SCN3A: variants seen among roughly 807,000 people sequenced by gnomAD.
SCN3A encodes sodium channel protein type 3 subunit alpha.
In SCN3A, 60 loss-of-function variants were observed where a neutral mutation model predicts 187.6. That is an observed-to-expected ratio of 0.32 (90% CI 0.26 to 0.40). SCN3A has a LOEUF of 0.40. Among genes scored for constraint, SCN3A ranks in the 10% least tolerant of loss-of-function variants. SCN3A has a pLI of 1.00. For missense variants in SCN3A, 1,601 were observed against 2,428.2 expected (o/e 0.66, Z 7.16); for synonymous variants, 788 against 829.2 (o/e 0.95, Z 0.85).
At chr2:165,154,725 CCA>C (rs1441299177) in intron 10 of SCN3A, 67 bp from the exon 11 acceptor site, 13 of 1,429,300 alleles carry the variant, frequency 9.1e-6, no homozygotes, top group Admixed American at 1.7e-5. Flanking sequence ...TATCTGATTA[CCA>C]CAGTTAGATA....
chr2:165,160,317 A>C (rs776474713), intron 9 of SCN3A, among the ~76,000 whole-genome samples: 3 of 152,172 alleles, frequency 2.0e-5, no homozygotes, highest in Admixed American at 1.3e-4. Flanking sequence ...AATAATATAA[A>C]TAATGTACAC....
At chr2:165,144,311 T>G (rs1037409587) in intron 12 of SCN3A, among the ~76,000 whole-genome samples, 3 of 150,722 alleles carry the variant, frequency 2.0e-5, no homozygotes, top group Admixed American at 6.6e-5. Flanking sequence ...ACTAATAGAT[T>G]ATTTCCTTCA....
rs1473997504 is a variant in SCN3A, at chr2:165,113,871, T to C, written c.3614A>G (p.His1205Arg). The change falls in exon 20 of 28, where the codon CAC (histidine) becomes CGC (arginine). Residue 1205 changes from histidine to arginine, a missense_variant. His to Arg is a conservative substitution (Grantham distance 29, BLOSUM62 0). Around this residue, in one of 11 missense-constraint regions of SCN3A, gnomAD observed 267 missense variants for 313.2 expected, o/e 0.85. Coordinates refer to ENST00000283254, the MANE Select transcript of SCN3A (RefSeq NM_006922.4). ...LRKTCYSIVEHNWFETFIVFM... is the reference protein window; with the variant it reads ...LRKTCYSIVERNWFETFIVFM... Reference sequence around the variant, plus strand: ...CACAATGAAAGTCTCAAACCAGTTGTGCTCAACAATACTGTAGCAGGTTTT... The same window carrying C: ...CACAATGAAAGTCTCAAACCAGTTGCGCTCAACAATACTGTAGCAGGTTTT... The C allele has an allele frequency of 6.2e-7, 1 of 1,614,036 alleles. No homozygotes were observed. The highest frequency in any genetic ancestry group is 8.5e-7 in the Non-Finnish European group (1 of 1,179,908).
At chr2:165,159,762 A>C (rs1490143635) in intron 9 of SCN3A, among the ~76,000 whole-genome samples, 2 of 134,800 alleles carry the variant, frequency 1.5e-5, no homozygotes, top group Non-Finnish European at 3.0e-5. Flanking sequence ...TATCTTTGTA[A>C]AACAGCAGCT....
Position 165,182,235 on chromosome 2 carries a change from A to T in SCN3A, c.-51+4316T>A, listed in dbSNP as rs192938016. 2.6e-3 allele frequency among the ~76,000 whole-genome samples: 399 copies of T among 152,354 alleles called. 1 individual carries two copies. The highest frequency in any genetic ancestry group is 1.4e-3 in the Non-Finnish European group (97 of 68,040). On this transcript the variant is annotated intron_variant, in intron 2 of 27. Transcript: ENST00000283254. ...ACAACTGCCCTAGAAGAAAGCAGTTAGTCACCACTCAATAGTCAAAAGAAG... is the reference window on the plus strand; with the variant it reads ...ACAACTGCCCTAGAAGAAAGCAGTTTGTCACCACTCAATAGTCAAAAGAAG...
intron 9 of SCN3A, among the ~76,000 whole-genome samples, chr2:165,161,584 T>C (rs993612061): frequency 2.0e-5 from 3 of 152,202 alleles, no homozygotes; most frequent in Non-Finnish European, 2.9e-5. Flanking sequence ...TCAAAATATA[T>C]TTAAGTTCCG....
At chr2:165,196,606 T>A (rs762549333) in intron 1 of SCN3A, among the ~76,000 whole-genome samples, 51 of 152,090 alleles carry the variant, frequency 3.4e-4, no homozygotes, top group Admixed American at 4.6e-4. Context: ...AGGAAATGTC[T>A]CCTTAAAAGC....
intron 3 of SCN3A, among the ~76,000 whole-genome samples, chr2:165,172,346 A>C (rs959332508): frequency 1.3e-5 from 2 of 152,184 alleles, no homozygotes; most frequent in African/African-American, 4.8e-5. Flanking sequence ...GAAACTGCAC[A>C]CTATAAATGT....
At chr2:165,114,746 A>G (rs553532770) in intron 19 of SCN3A, among the ~76,000 whole-genome samples, 9 of 152,226 alleles carry the variant, frequency 5.9e-5, no homozygotes, top group Non-Finnish European at 1.2e-4. Flanking sequence ...TGGAACTGTA[A>G]GGGAGGGAAT....
intron 1 of SCN3A, among the ~76,000 whole-genome samples, chr2:165,197,308 T>C (rs1229933976): frequency 1.3e-5 from 2 of 152,142 alleles, no homozygotes; most frequent in African/African-American, 2.4e-5. Context: ...GCTTCTGTTA[T>C]TTTTCTTTGT....
At chr2:165,163,255 C>A (rs367978328) in intron 7 of SCN3A, among the ~76,000 whole-genome samples, 1 of 152,022 alleles carries the variant, frequency 6.6e-6, no homozygotes, top group Non-Finnish European at 1.5e-5. Flanking sequence ...TGCTCTTCAA[C>A]AATAATATTT....
intron 21 of SCN3A, among the ~76,000 whole-genome samples, chr2:165,106,928 G>A (rs535477251): frequency 6.6e-6 from 1 of 152,212 alleles, no homozygotes; most frequent in South Asian, 2.1e-4. Context: ...TGAAGAGGAG[G>A]GGCGAGACTG....
chr2:165,118,006 A>G (rs182791559), intron 18 of SCN3A, among the ~76,000 whole-genome samples: 2 of 152,324 alleles, frequency 1.3e-5, no homozygotes, highest in Non-Finnish European at 1.5e-5. Flanking sequence ...TTTACAGCAC[A>G]AGTCCTAATA....
intron 26 of SCN3A, chr2:165,094,107 A>T (rs1169116240): frequency 2.2e-6 from 1 of 460,460 alleles, no homozygotes; most frequent in Non-Finnish European, 3.9e-6. Flanking sequence ...GGTAGCAGGA[A>T]AGTGAACCTT....
At chr2:165,168,620 T>G (rs1689923684) in intron 5 of SCN3A, 116 bp downstream of exon 5, 1 of 790,402 alleles carries the variant, frequency 1.3e-6, no homozygotes, top group Non-Finnish European at 2.2e-6. Flanking sequence ...TTTCATATTA[T>G]GAAAATAACT....
chr2:165,170,314 A>G, intron 4 of SCN3A, 116 bp downstream of exon 4: 1 of 698,292 alleles, frequency 1.4e-6, no homozygotes, highest in Non-Finnish European at 2.6e-6. Flanking sequence ...GAATTAAACT[A>G]ACAATGTTAC....
At chr2:165,095,364 T>A in intron 25 of SCN3A, 147 bp downstream of exon 25, 1 of 785,578 alleles carries the variant, frequency 1.3e-6, no homozygotes, top group Non-Finnish European at 2.1e-6. Flanking sequence ...GAGGCTGGAA[T>A]CCCTGCAGCT....
At chr2:165,115,355 C>T (rs1198559474) in intron 19 of SCN3A, 100 bp downstream of exon 19, 3 of 1,530,338 alleles carry the variant, frequency 2.0e-6, no homozygotes, top group Admixed American at 1.7e-5. Context: ...GCATAAGCCA[C>T]CACACCTCGT....
intron 12 of SCN3A, among the ~76,000 whole-genome samples, chr2:165,146,382 A>ATGTGTGTGTGTG (rs5836018): frequency 2.8e-5 from 3 of 107,874 alleles, no homozygotes; most frequent in South Asian, 7.1e-4. Context: ...ATATATATAT[A>ATGTGTGTGTGTG]TGTGTGTGTG....
Sources: gnomAD v4.1 joint callset for allele counts (sites outside exome capture counted in the v4.1 genomes callset) on GRCh38, gnomAD v4.1.1 for gene constraint, gnomAD v4.1.1 regional missense constraint, MANE v1.5 for transcripts, NCBI Gene and HGNC (gene_info 2026-07-23, HGNC 2026-07-21) for gene names.